The following PRKN variants were observed in gnomAD, a reference collection of about 807,000 sequenced individuals.
PRKN encodes parkin RBR E3 ubiquitin protein ligase.
Under a neutral mutation model 59.5 loss-of-function variants are expected in PRKN, and 56 were observed. The ratio of observed to expected loss-of-function variants is 0.94; its 90% confidence interval spans 0.76 to 1.18. The LOEUF is 1.18. PRKN is among the 50% of genes most tolerant of loss of function. The pLI, the probability that PRKN is intolerant of heterozygous loss-of-function variation, is 0.00. For synonymous variants in PRKN, 250 were observed against 222.1 expected, an observed-to-expected ratio of 1.13 and a Z score of -1.12; for missense variants, 657 against 596.4, an observed-to-expected ratio of 1.10 and a Z score of -1.06.
intron 1 of PRKN, among the ~76,000 whole-genome samples, chr6:162,712,918 G>A (rs1407799302): frequency 6.6e-6 from 1 of 152,214 alleles, no homozygotes; most frequent in Non-Finnish European, 1.5e-5. Context: ...ACTCACTTCA[G>A]TTCCGGTTCC....
At chr6:161,515,763 C>T (rs142600411) in intron 9 of PRKN, among the ~76,000 whole-genome samples, 124 of 152,266 alleles carry the variant, frequency 8.1e-4, no homozygotes, top group African/African-American at 2.8e-3. Context: ...GCTTTCACCT[C>T]GACAGGTCTC....
intron 1 of PRKN, among the ~76,000 whole-genome samples, chr6:162,638,634 C>T (rs1158871820): frequency 6.6e-6 from 1 of 152,012 alleles, no homozygotes; most frequent in East Asian, 1.9e-4. Flanking sequence ...AACCTTAGGA[C>T]TGTCATTCTT....
At chr6:162,659,702 AAAG>A (rs749424805) in intron 1 of PRKN, among the ~76,000 whole-genome samples, 1 of 152,286 alleles carries the variant, frequency 6.6e-6, no homozygotes, top group East Asian at 1.9e-4. Flanking sequence ...ATCAGAAAAA[AAAG>A]AAATGAAACC....
intron 2 of PRKN, among the ~76,000 whole-genome samples, chr6:162,383,614 T>C (rs1008554989): frequency 6.6e-6 from 1 of 152,226 alleles, no homozygotes; most frequent in Non-Finnish European, 1.5e-5. Context: ...ATCAGAATGG[T>C]AAATGAGCAT....
chr6:162,205,532 G>C (rs1157797783), intron 3 of PRKN, among the ~76,000 whole-genome samples: 1 of 152,016 alleles, frequency 6.6e-6, no homozygotes, highest in Non-Finnish European at 1.5e-5. Flanking sequence ...GGTGGGGAGA[G>C]AGTAAGATTT....
chr6:161,615,761 T>G (rs1483365971), intron 7 of PRKN, among the ~76,000 whole-genome samples: 2 of 152,226 alleles, frequency 1.3e-5, no homozygotes, highest in African/African-American at 4.8e-5. Flanking sequence ...TCCTCCTGCA[T>G]GCAATGGGGA....
intron 4 of PRKN, among the ~76,000 whole-genome samples, chr6:162,136,874 A>G (rs1051783724): frequency 1.3e-5 from 2 of 152,198 alleles, no homozygotes; most frequent in Non-Finnish European, 2.9e-5. Context: ...TCATGTAACA[A>G]CACAGATAAC....
chr6:162,539,202 C>T (rs1416917862), intron 1 of PRKN, among the ~76,000 whole-genome samples: 3 of 151,464 alleles, frequency 2.0e-5, no homozygotes, highest in South Asian at 2.1e-4. Flanking sequence ...TTTTAATTAA[C>T]GAGAATGAAT....
chr6:161,398,143 G>C (rs923915202), intron 9 of PRKN, among the ~76,000 whole-genome samples: 2 of 152,090 alleles, frequency 1.3e-5, no homozygotes, highest in African/African-American at 4.8e-5. Context: ...ATTGATGAGA[G>C]AGTTTTCTCA....
Position 161,645,294 on chromosome 6 carries a change from T to C in PRKN, c.872-75878A>G, listed in dbSNP as rs144837149. On this transcript the variant is annotated intron_variant, in intron 7 of 11. Coordinates refer to ENST00000366898, the MANE Select transcript of PRKN (RefSeq NM_004562.3). ...AAACATACTAACCGATATTTGGGGA[T>C]GTAGATGCTTAACTTAAACCACAGA... is the stretch of plus-strand genomic sequence containing the variant. Among the ~76,000 whole-genome samples the C allele has an allele frequency of 3.8e-3, 572 of 150,980 alleles. 3 individuals carry two copies. Among genetic ancestry groups the C allele is most frequent in the African/African-American group, 0.011 (461 of 41,168 alleles).
intron 7 of PRKN, among the ~76,000 whole-genome samples, chr6:161,583,074 T>A (rs987443995): frequency 6.6e-6 from 1 of 151,884 alleles, no homozygotes; most frequent in African/African-American, 2.4e-5. Flanking sequence ...ATCCATGATT[T>A]ACTGGTTAAT....
At chr6:162,708,561 T>C (rs182159235) in intron 1 of PRKN, among the ~76,000 whole-genome samples, 68 of 152,314 alleles carry the variant, frequency 4.5e-4, no homozygotes, top group Middle Eastern at 3.4e-3. Flanking sequence ...AAACATTAAA[T>C]GAAACATGAA....
rs575410226 is a variant in PRKN at position 161,553,885 on chromosome 6, G to A, written c.934-4882C>T. On this transcript the variant is annotated intron_variant, in intron 8 of 11. Coordinates refer to ENST00000366898, the MANE Select transcript of PRKN (RefSeq NM_004562.3). Reference sequence around the variant, plus strand: ...CCTGACACCATTCAATAGCTTCCTCGCTATCTGCTATGGAAAATTACTCAG... The same window carrying A: ...CCTGACACCATTCAATAGCTTCCTCACTATCTGCTATGGAAAATTACTCAG... Among the ~76,000 whole-genome samples, 176 of 152,184 alleles carry A rather than the reference G, an allele frequency of 1.2e-3. 1 individual carries two copies. The highest frequency in any genetic ancestry group is 4.0e-3 in the African/African-American group (166 of 41,498).
intron 7 of PRKN, among the ~76,000 whole-genome samples, chr6:161,605,659 G>A (rs533929829): frequency 3.9e-5 from 6 of 152,108 alleles, no homozygotes; most frequent in Non-Finnish European, 5.9e-5. Flanking sequence ...TTACAGACAC[G>A]TGCCACCACG....
At chr6:162,235,098 CTGAA>C (rs1245487020) in intron 3 of PRKN, among the ~76,000 whole-genome samples, 1 of 152,128 alleles carries the variant, frequency 6.6e-6, no homozygotes, top group Non-Finnish European at 1.5e-5. Context: ...AGGAAACTAG[CTGAA>C]TGAGAGGCTT....
chr6:162,685,761 G>A (rs1261679517), intron 1 of PRKN, among the ~76,000 whole-genome samples: 1 of 152,138 alleles, frequency 6.6e-6, no homozygotes, highest in East Asian at 1.9e-4. Flanking sequence ...CAACTTCCAA[G>A]AATCAAACTC....
At chr6:161,712,633 G>A (rs1036430613) in intron 7 of PRKN, among the ~76,000 whole-genome samples, 1 of 151,744 alleles carries the variant, frequency 6.6e-6, no homozygotes, top group African/African-American at 2.4e-5. Context: ...CTTCCATATG[G>A]ATCTAAGTTC....
intron 6 of PRKN, among the ~76,000 whole-genome samples, chr6:161,810,775 A>G (rs1791526999): frequency 6.6e-6 from 1 of 152,218 alleles, no homozygotes; most frequent in Admixed American, 6.5e-5. Context: ...GAAAAATCAA[A>G]AAATAAAATA....
chr6:162,463,461 A>G lies in PRKN; in HGVS notation c.8-19988T>C, dbSNP rs547512260. On this transcript the variant is annotated intron_variant, in intron 1 of 11. Transcript: ENST00000366898. ...GGGGGTTTGTATAGGAAGCATCCTT[A>G]TAAGACAAAGGTAGTGTCTTCCTCT... 1.5e-4 allele frequency among the ~76,000 whole-genome samples: 23 copies of G among 152,310 alleles called. No homozygotes were observed. In the South Asian group the frequency reaches 4.8e-3, roughly 32 times the overall value.
Sources: allele counts gnomAD v4.1 joint callset (sites outside exome capture counted in the v4.1 genomes callset), GRCh38; gene constraint gnomAD v4.1.1; transcripts MANE v1.5; gene names NCBI Gene and HGNC (gene_info 2026-07-23, HGNC 2026-07-21).